STXBP5L: variants seen among roughly 807,000 people sequenced by gnomAD.
STXBP5L encodes syntaxin binding protein 5L.
STXBP5L carries 65 observed loss-of-function variants against 144.5 expected under a neutral mutation model. The observed-to-expected ratio is 0.45, with a 90% CI of 0.37 to 0.55. The LOEUF is 0.55. Ranked by LOEUF, STXBP5L falls within the 20% of genes least tolerant of loss-of-function variation. The pLI, the probability that STXBP5L is intolerant of heterozygous loss-of-function variation, is 0.00. For missense variants in STXBP5L, 1,298 were observed against 1,405.5 expected, an observed-to-expected ratio of 0.92 and a Z score of 1.22; for synonymous variants, 505 against 469.6, an observed-to-expected ratio of 1.08 and a Z score of -0.97.
chr3:121,114,045 T>C (rs948754495), intron 5 of STXBP5L, among the ~76,000 whole-genome samples: 3 of 152,076 alleles, frequency 2.0e-5, no homozygotes, highest in Non-Finnish European at 4.4e-5. Context: ...TTTTGAAAAA[T>C]TTATTGGTCT....
Position 121,421,760 on chromosome 3 carries a change from A to G in STXBP5L, c.*2663A>G, listed in dbSNP as rs936988576. 5.3e-5 allele frequency: 8 copies of G among 152,216 alleles called. No individual in the cohort carries two copies. Among genetic ancestry groups the G allele is most frequent in the Non-Finnish European group, 7.3e-5 (5 of 68,028 alleles). The allele number at this position is 152,216 out of a possible 1,614,324, so 9.4% of individuals were successfully genotyped here. A position where few individuals can be genotyped will look rare whatever the true frequency, so the allele number is the denominator to read the frequency against. The stretch of plus-strand genomic sequence containing the variant: ...ATCAAAAAGGACATTATAGCATTTC[A>G]CTGTAGAAGTGCTTAAAACCTTGGC... On this transcript the variant is annotated 3_prime_UTR_variant, in exon 27 of 27. Coordinates refer to ENST00000471454, the MANE Select transcript of STXBP5L (RefSeq NM_001308330.2).
chr3:121,406,425 A>G (rs2046994647), intron 22 of STXBP5L, among the ~76,000 whole-genome samples: 2 of 152,112 alleles, frequency 1.3e-5, no homozygotes, highest in Non-Finnish European at 2.9e-5. Context: ...ATGTAAAAGG[A>G]CAAAGGAAAG....
At chr3:121,041,663 A>C (rs755456749) in intron 3 of STXBP5L, 37 bp from the exon 4 acceptor site, 1 of 1,469,096 alleles carries the variant, frequency 6.8e-7, no homozygotes, top group South Asian at 1.1e-5. Context: ...ATTGGTGCTA[A>C]TTAAAATGTT....
intron 10 of STXBP5L, among the ~76,000 whole-genome samples, chr3:121,220,094 C>T (rs193121106): frequency 2.6e-5 from 4 of 152,170 alleles, no homozygotes; most frequent in Admixed American, 2.6e-4. Flanking sequence ...CCATCATTTC[C>T]CACAACTCTC....
chr3:120,918,812 G>GT (rs756413983), intron 2 of STXBP5L, among the ~76,000 whole-genome samples: 56 of 152,150 alleles, frequency 3.7e-4, no homozygotes, highest in Non-Finnish European at 6.9e-4. Context: ...AAAGTCACAG[G>GT]TTTTTTGATA....
intron 20 of STXBP5L, among the ~76,000 whole-genome samples, chr3:121,376,558 T>C (rs938205631): frequency 6.6e-6 from 1 of 152,208 alleles, no homozygotes; most frequent in Non-Finnish European, 1.5e-5. Context: ...TGTGGTATTA[T>C]TTCTGAGGCC....
At chr3:121,013,777 T>C (rs1944948185) in intron 3 of STXBP5L, among the ~76,000 whole-genome samples, 1 of 152,064 alleles carries the variant, frequency 6.6e-6, no homozygotes, top group Non-Finnish European at 1.5e-5. Context: ...GTTTGAGATG[T>C]TACATTTAAG....
chr3:120,977,193 GGTCA>G (rs1941150792), intron 3 of STXBP5L, among the ~76,000 whole-genome samples: 1 of 152,152 alleles, frequency 6.6e-6, no homozygotes, highest in African/African-American at 2.4e-5. Flanking sequence ...TCTCTTTGTA[GGTCA>G]GTAAGGACTT....
At chr3:121,145,478 A>C (rs2045679540) in intron 7 of STXBP5L, among the ~76,000 whole-genome samples, 1 of 151,990 alleles carries the variant, frequency 6.6e-6, no homozygotes, top group Non-Finnish European at 1.5e-5. Flanking sequence ...AATATAATTT[A>C]AAACATGTCA....
intron 20 of STXBP5L, among the ~76,000 whole-genome samples, chr3:121,347,688 G>T (rs111950707): frequency 0.12 from 18,293 of 152,064 alleles, 1,155 homozygotes; most frequent in Non-Finnish European, 0.14. Context: ...TTGTAAGTTG[G>T]ATTCCTAGGT....
intron 3 of STXBP5L, among the ~76,000 whole-genome samples, chr3:120,978,960 G>A (rs547799792): frequency 6.6e-6 from 1 of 152,160 alleles, no homozygotes; most frequent in African/African-American, 2.4e-5. Flanking sequence ...CCTTACTGGG[G>A]GGTGCCTCCC....
intron 5 of STXBP5L, among the ~76,000 whole-genome samples, chr3:121,056,214 C>T (rs1195399124): frequency 6.6e-6 from 1 of 152,056 alleles, no homozygotes; most frequent in Admixed American, 6.6e-5. Flanking sequence ...AATGCATGAT[C>T]TGAGTAATGA....
At chr3:121,162,329 C>T (rs577892086) in intron 9 of STXBP5L, among the ~76,000 whole-genome samples, 9 of 152,078 alleles carry the variant, frequency 5.9e-5, no homozygotes, top group Non-Finnish European at 1.3e-4. Context: ...GAAAGGGTTC[C>T]CTATTTAATA....
chr3:121,158,097 GT>G (rs1211782882), intron 9 of STXBP5L: 2 of 152,576 alleles, frequency 1.3e-5, no homozygotes, highest in Non-Finnish European at 2.9e-5. Flanking sequence ...TTAATTTTAG[GT>G]TTTACTTTTC....
chr3:121,319,074 T>A (rs768981424), intron 20 of STXBP5L, among the ~76,000 whole-genome samples: 6 of 152,140 alleles, frequency 3.9e-5, no homozygotes, highest in Non-Finnish European at 8.8e-5. Flanking sequence ...TAGGGATAAA[T>A]CTTTAAGGTA....
At chr3:121,235,438 A>G (rs1313708835) in intron 12 of STXBP5L, among the ~76,000 whole-genome samples, 1 of 151,922 alleles carries the variant, frequency 6.6e-6, no homozygotes, top group Admixed American at 6.6e-5. Flanking sequence ...TTTAGTTATT[A>G]TTTCTCTTTT....
At chr3:121,322,840 C>T (rs1364966834) in intron 20 of STXBP5L, among the ~76,000 whole-genome samples, 1 of 152,200 alleles carries the variant, frequency 6.6e-6, no homozygotes, top group Non-Finnish European at 1.5e-5. Context: ...CTTTCCTCTG[C>T]AGCTTCACCA....
intron 22 of STXBP5L, among the ~76,000 whole-genome samples, chr3:121,399,290 C>A (rs1324170948): frequency 2.6e-5 from 4 of 152,184 alleles, no homozygotes; most frequent in African/African-American, 7.2e-5. Context: ...CGGGTGTCCT[C>A]CAGCTAGTTC....
At chr3:121,333,590 G>A (rs760349230) in intron 20 of STXBP5L, among the ~76,000 whole-genome samples, 13 of 151,026 alleles carry the variant, frequency 8.6e-5, no homozygotes, top group East Asian at 3.9e-4. Flanking sequence ...AATGAAATTA[G>A]GAGCTGGATT....
Sources: allele counts gnomAD v4.1 joint callset (sites outside exome capture counted in the v4.1 genomes callset), GRCh38; gene constraint gnomAD v4.1.1; transcripts MANE v1.5; gene names NCBI Gene and HGNC (gene_info 2026-07-23, HGNC 2026-07-21).